Variants in RARB observed in about 807,000 individuals in gnomAD.
RARB encodes HBV-activated protein.
A neutral mutation model predicts 51.9 loss-of-function variants in RARB; 17 were observed. That is an observed-to-expected ratio of 0.33 (90% CI 0.22 to 0.49). The LOEUF is 0.49. Among genes scored for constraint, RARB ranks in the 20% least tolerant of loss-of-function variants. The pLI, the probability that RARB is intolerant of heterozygous loss-of-function variation, is 0.99. For missense variants in RARB, 369 were observed against 550.8 expected, an observed-to-expected ratio of 0.67 and a Z score of 3.30; for synonymous variants, 215 against 195.4, an observed-to-expected ratio of 1.10 and a Z score of -0.84.
At chr3:25,545,708 C>A (rs1255022874) in intron 3 of RARB, among the ~76,000 whole-genome samples, 1 of 152,180 alleles carries the variant, frequency 6.6e-6, no homozygotes, top group Non-Finnish European at 1.5e-5. Context: ...CCAAGGGCTG[C>A]ACCCCTCTCT....
intron 2 of RARB, among the ~76,000 whole-genome samples, chr3:24,898,721 G>A (rs1399987295): frequency 1.3e-5 from 2 of 152,110 alleles, no homozygotes; most frequent in Non-Finnish European, 2.9e-5. Context: ...CCCTATAGCG[G>A]ATATATTGGC....
intron 5 of RARB, among the ~76,000 whole-genome samples, chr3:25,394,855 G>T (rs1347589233): frequency 6.6e-6 from 1 of 152,082 alleles, no homozygotes; most frequent in Non-Finnish European, 1.5e-5. Context: ...TATCCATTCT[G>T]CCATTCTGAA....
intron 1 of RARB, among the ~76,000 whole-genome samples, chr3:25,443,246 G>C (rs1041969115): frequency 2.0e-4 from 30 of 152,252 alleles, no homozygotes; most frequent in South Asian, 1.7e-3. Context: ...TGGCTGGGAT[G>C]GCAAAGTAAG....
intron 5 of RARB, among the ~76,000 whole-genome samples, chr3:25,367,817 C>CAAAAAAAAAAAAAAAAAAAAAAAA (rs369165017): frequency 1.6e-5 from 2 of 125,566 alleles, no homozygotes; most frequent in Non-Finnish European, 3.3e-5. Flanking sequence ...AAAAAACAAG[C>CAAAAAAAAAAAAAAAAAAAAAAAA]AAAAAAAAAA....
chr3:25,408,786 A>G (rs1004305935), intron 5 of RARB, among the ~76,000 whole-genome samples: 3 of 152,198 alleles, frequency 2.0e-5, no homozygotes, highest in Non-Finnish European at 4.4e-5. Flanking sequence ...CTGTAATCCT[A>G]GCACTTTGGG....
intron 2 of RARB, among the ~76,000 whole-genome samples, chr3:24,889,558 G>C (rs1008692833): frequency 6.6e-6 from 1 of 152,016 alleles, no homozygotes; most frequent in African/African-American, 2.4e-5. Context: ...TTTGGTGCTC[G>C]TGGAATCTTC....
intron 1 of RARB, among the ~76,000 whole-genome samples, chr3:25,433,077 G>A (rs1302592620): frequency 6.6e-6 from 1 of 152,114 alleles, no homozygotes; most frequent in Non-Finnish European, 1.5e-5. Flanking sequence ...GATTATTTCA[G>A]AAATGGGAGT....
chr3:25,163,504 A>AAAAAAAAAAAAATATATATATAT (rs1303712411), intron 4 of RARB, among the ~76,000 whole-genome samples: 9 of 131,086 alleles, frequency 6.9e-5, no homozygotes, highest in African/African-American at 2.9e-4. Context: ...CCTATCTCAA[A>AAAAAAAAAAAAATATATATATAT]ATATATATAT....
chr3:25,078,534 A>ATTTTTTTTTTTTTTTTTTTTTTTTTT (rs56349106), intron 3 of RARB, among the ~76,000 whole-genome samples: 1 of 141,292 alleles, frequency 7.1e-6, no homozygotes. Flanking sequence ...CCAACTTTCT[A>ATTTTTTTTTTTTTTTTTTTTTTTTTT]TTTTTTTTTT....
At chr3:25,518,133 T>TAA (rs1477435838) in intron 3 of RARB, among the ~76,000 whole-genome samples, 8 of 152,222 alleles carry the variant, frequency 5.3e-5, no homozygotes, top group Non-Finnish European at 4.4e-5. Flanking sequence ...GCATTTGAAT[T>TAA]GTATCTTAAT....
At chr3:25,347,071 G>A (rs1705417170) in intron 5 of RARB, among the ~76,000 whole-genome samples, 2 of 152,182 alleles carry the variant, frequency 1.3e-5, no homozygotes, top group African/African-American at 4.8e-5. Context: ...GAAGGAGTAG[G>A]TTGACCGGGA....
chr3:24,974,548 C>A (rs1302305567), intron 2 of RARB, among the ~76,000 whole-genome samples: 1 of 152,000 alleles, frequency 6.6e-6, no homozygotes, highest in African/African-American at 2.4e-5. Flanking sequence ...AAAGGTGAAG[C>A]AAATCTCTTT....
At chr3:24,974,231 G>A (rs1696462036) in intron 2 of RARB, among the ~76,000 whole-genome samples, 1 of 151,954 alleles carries the variant, frequency 6.6e-6, no homozygotes, top group African/African-American at 2.4e-5. Flanking sequence ...TCTTGGTTCT[G>A]TTATTTATTG....
At chr3:24,869,427 CTTAT>C (rs1239465130) in intron 2 of RARB, among the ~76,000 whole-genome samples, 1 of 151,994 alleles carries the variant, frequency 6.6e-6, no homozygotes, top group African/African-American at 2.4e-5. Context: ...AATTAAAACA[CTTAT>C]TTTCTTTTGA....
chr3:25,215,115 G>A (rs903895678), intron 5 of RARB, among the ~76,000 whole-genome samples: 1 of 152,144 alleles, frequency 6.6e-6, no homozygotes, highest in South Asian at 2.1e-4. Flanking sequence ...AATCCCAACT[G>A]TACACGGACT....
chr3:24,935,333 T>C (rs1349350082), intron 2 of RARB, among the ~76,000 whole-genome samples: 12 of 152,128 alleles, frequency 7.9e-5, no homozygotes, highest in Admixed American at 7.2e-4. Flanking sequence ...TTCCCTAGTA[T>C]ATGACCTCCA....
At chr3:24,911,088 C>T (rs761331673) in intron 2 of RARB, among the ~76,000 whole-genome samples, 8 of 152,178 alleles carry the variant, frequency 5.3e-5, no homozygotes, top group Non-Finnish European at 1.0e-4. Context: ...TTCATTCTCC[C>T]TAAATTGCCT....
At chr3:25,240,137 G>A (rs1702396935) in intron 5 of RARB, among the ~76,000 whole-genome samples, 1 of 151,516 alleles carries the variant, frequency 6.6e-6, no homozygotes, top group Non-Finnish European at 1.5e-5. Context: ...TTCTCGGTTA[G>A]TTCATCATTG....
intron 3 of RARB, among the ~76,000 whole-genome samples, chr3:25,124,538 C>G (rs985538255): frequency 3.9e-5 from 6 of 152,196 alleles, no homozygotes; most frequent in Non-Finnish European, 8.8e-5. Context: ...CACACCCTTT[C>G]TGGGCCTAAT....
Sources: allele counts gnomAD v4.1 joint callset (sites outside exome capture counted in the v4.1 genomes callset), GRCh38; gene constraint gnomAD v4.1.1; transcripts MANE v1.5; gene names NCBI Gene and HGNC (gene_info 2026-07-23, HGNC 2026-07-21).